Variants in RPRD1B observed in about 807,000 individuals in gnomAD.
RPRD1B encodes the protein regulation of nuclear pre-mRNA domain containing 1B.
Under a neutral mutation model 41.5 loss-of-function variants are expected in RPRD1B, and 11 were observed. The ratio of observed to expected loss-of-function variants is 0.27; its 90% CI spans 0.17 to 0.44. The LOEUF (loss-of-function observed/expected upper bound fraction) is 0.44, where lower values mean the gene tolerates loss of function less well. Ranked by LOEUF, RPRD1B falls within the 20% of genes least tolerant of loss-of-function variation. The probability of loss-of-function intolerance (pLI) is 1.00; values close to 1 mark genes in which losing one functional copy is unlikely to be tolerated. For synonymous variants in RPRD1B, 158 were observed against 155.6 expected, an observed-to-expected ratio of 1.02 and a Z score of -0.12; for missense variants, 248 against 389.9, an observed-to-expected ratio of 0.64 and a Z score of 3.06.
chr20:38,055,556 G>T (rs1448031942), intron 3 of RPRD1B, among the ~76,000 whole-genome samples: 1 of 151,994 alleles, frequency 6.6e-6, no homozygotes, highest in African/African-American at 2.4e-5. Context: ...TCTGGCCATG[G>T]ATCTAGGCTC....
chr20:38,038,974 G>A (rs770329466), intron 1 of RPRD1B, among the ~76,000 whole-genome samples: 4 of 152,200 alleles, frequency 2.6e-5, no homozygotes, highest in Non-Finnish European at 5.9e-5. Context: ...AAAACTTTGT[G>A]TTTTGAAACA....
At chr20:38,054,258 G>C (rs1254665360) in intron 3 of RPRD1B, among the ~76,000 whole-genome samples, 1 of 152,154 alleles carries the variant, frequency 6.6e-6, no homozygotes. Flanking sequence ...GAGGAGCCCT[G>C]TGGGGGAAAT....
chr20:38,038,519 CAG>C lies in RPRD1B; in HGVS notation c.152-1913_152-1912del, dbSNP rs1434030433. On this transcript the variant is annotated intron_variant, in intron 1 of 6. Coordinates refer to ENST00000373433, the MANE Select transcript of RPRD1B (RefSeq NM_021215.4). ...TTTTTTTTTTTTTTTTTTTTTGAGA[CAG>C]AGTCTTGCTCTGTCACCCAGACTGG... 5.1e-5 allele frequency among the ~76,000 whole-genome samples: 5 copies of C among 97,298 alleles called. No individual in the cohort carries two copies. In the East Asian group the frequency reaches 1.7e-3, roughly 34 times the overall value. 63.8% of individuals were successfully genotyped at this position (97,298 alleles called of 152,430 possible). A position where few individuals can be genotyped will look rare whatever the true frequency, so the allele number is the denominator to read the frequency against.
In RPRD1B at chr20:38,084,202, A is replaced by C. The variant is rs530206765; in HGVS notation, c.832-5524A>C. The stretch of plus-strand genomic sequence containing the variant: ...TTCCCCTTTGGGCTTGGCTTTCTCA[A>C]CCTCCATACTATGAAGCAGTCCTTT... On this transcript the variant is annotated intron_variant, in intron 6 of 6. Coordinates refer to ENST00000373433, the MANE Select transcript of RPRD1B (RefSeq NM_021215.4). Among the ~76,000 whole-genome samples the C allele has an allele frequency of 1.2e-3, 176 of 151,956 alleles. 1 individual carries two copies. Among genetic ancestry groups the C allele is most frequent in the African/African-American group, 4.2e-3 (172 of 41,402 alleles).
At chr20:38,076,839 C>T (rs564060285) in intron 6 of RPRD1B, among the ~76,000 whole-genome samples, 28 of 147,246 alleles carry the variant, frequency 1.9e-4, no homozygotes, top group Middle Eastern at 3.5e-3. Context: ...TTTCATCCTT[C>T]AATAAGCTTT....
chr20:38,076,936 T>TTTTTTTTTTTTA (rs2074467656), intron 6 of RPRD1B, among the ~76,000 whole-genome samples: 2 of 123,340 alleles, frequency 1.6e-5, no homozygotes, highest in Admixed American at 8.4e-5. Context: ...TTTTTTTTTT[T>TTTTTTTTTTTTA]GAGATGGAGT....
At chr20:38,075,818 C>T (rs1423117100) in intron 6 of RPRD1B, among the ~76,000 whole-genome samples, 2 of 152,154 alleles carry the variant, frequency 1.3e-5, no homozygotes, top group African/African-American at 4.8e-5. Context: ...ATATGGCATG[C>T]TTTATGTGAA....
At chr20:38,045,756 T>C (rs185350315) in intron 2 of RPRD1B, among the ~76,000 whole-genome samples, 2 of 152,274 alleles carry the variant, frequency 1.3e-5, no homozygotes, top group African/African-American at 4.8e-5. Context: ...GGTTTCTCTT[T>C]CTTTTAAGCG....
rs1422989816 is a variant in RPRD1B at position 38,058,954 on chromosome 20, TC to T, written c.529-438del. On this transcript the variant is annotated intron_variant, in intron 4 of 6. Coordinates refer to ENST00000373433, the MANE Select transcript of RPRD1B (RefSeq NM_021215.4). ...GTCTCGAACTCCTGGGCTCAAGTGA[TC>T]CTCCTGCCTTGGCTTCCCAAAGTGC... Among the ~76,000 whole-genome samples, 4 of 152,160 alleles carry T rather than the reference TC, an allele frequency of 2.6e-5. No individual in the cohort carries two copies. In the East Asian group the frequency reaches 5.8e-4, roughly 22 times the overall value.
chr20:38,076,277 TTTATCTTTGATG>T (rs1403107679), intron 6 of RPRD1B, among the ~76,000 whole-genome samples: 1 of 152,198 alleles, frequency 6.6e-6, no homozygotes, highest in Non-Finnish European at 1.5e-5. Flanking sequence ...CTCCCAGCGT[TTTATCTTTGATG>T]TGACTTTTCA....
chr20:38,092,202 C>G lies in RPRD1B; in HGVS notation c.*2327C>G. The G allele has an allele frequency of 1.0e-6, 1 of 985,524 alleles. No individual in the cohort carries two copies. Among genetic ancestry groups the G allele is most frequent in the Non-Finnish European group, 1.2e-6 (1 of 829,810 alleles). The allele number at this position is 985,524 out of a possible 1,614,324, so 61.0% of individuals were successfully genotyped here. A position where few individuals can be genotyped will look rare whatever the true frequency, so the allele number is the denominator to read the frequency against. ...TTCCTCAGAAAGTCTTCAATCTTCCCTTGTTTTTGTTTGTTTGTTTTTCTT... is the reference window on the plus strand; with the variant it reads ...TTCCTCAGAAAGTCTTCAATCTTCCGTTGTTTTTGTTTGTTTGTTTTTCTT... On this transcript the variant is annotated 3_prime_UTR_variant, in exon 7 of 7. Transcript: ENST00000373433.
At chr20:38,041,146 A>G (rs565359919) in intron 2 of RPRD1B, among the ~76,000 whole-genome samples, 13 of 139,986 alleles carry the variant, frequency 9.3e-5, no homozygotes, top group African/African-American at 3.9e-4. Context: ...GAAAGCATAC[A>G]TTGGATTAAA....
intron 6 of RPRD1B, among the ~76,000 whole-genome samples, chr20:38,088,730 T>C (rs1219441785): frequency 6.6e-6 from 1 of 152,158 alleles, no homozygotes; most frequent in Non-Finnish European, 1.5e-5. Context: ...TAGAGGAACA[T>C]AGAAGTCTCA....
intron 6 of RPRD1B, among the ~76,000 whole-genome samples, chr20:38,083,142 TAAAG>T (rs1039013127): frequency 1.4e-4 from 21 of 152,344 alleles, no homozygotes; most frequent in Admixed American, 1.3e-3. Flanking sequence ...AAATAGTCCT[TAAAG>T]AAGCTAGTTT....
intron 3 of RPRD1B, chr20:38,049,904 T>C (rs1470236822): frequency 2.1e-6 from 1 of 465,296 alleles, no homozygotes; most frequent in Middle Eastern, 3.3e-4. Context: ...CTGTATTCTT[T>C]GGCCAAACTG....
At chr20:38,035,641 T>C (rs1485912496) in intron 1 of RPRD1B, among the ~76,000 whole-genome samples, 3 of 152,238 alleles carry the variant, frequency 2.0e-5, no homozygotes, top group Non-Finnish European at 2.9e-5. Context: ...GCCTTCTTCA[T>C]GTACCCCACT....
chr20:38,065,469 T>TA (rs1464553337), intron 5 of RPRD1B, among the ~76,000 whole-genome samples: 2 of 152,208 alleles, frequency 1.3e-5, no homozygotes, highest in East Asian at 3.8e-4. Flanking sequence ...TCAAGGCCCT[T>TA]AAATGGTGTC....
chr20:38,056,030 AG>A (rs1051789580), intron 3 of RPRD1B, among the ~76,000 whole-genome samples: 109 of 152,358 alleles, frequency 7.2e-4, no homozygotes, highest in African/African-American at 2.5e-3. Flanking sequence ...GCGCAAAGTG[AG>A]GACGGCCTGT....
intron 3 of RPRD1B, among the ~76,000 whole-genome samples, chr20:38,053,338 CT>C (rs2074207707): frequency 1.3e-5 from 2 of 152,190 alleles, no homozygotes; most frequent in Admixed American, 1.3e-4. Context: ...ACTATAACTG[CT>C]GACTTCGTAG....
Sources: gnomAD v4.1 joint callset for allele counts (sites outside exome capture counted in the v4.1 genomes callset) on GRCh38, gnomAD v4.1.1 for gene constraint, MANE v1.5 for transcripts, NCBI Gene and HGNC (gene_info 2026-07-23, HGNC 2026-07-21) for gene names.